The following PCGF2 variants were observed in gnomAD, a reference collection of about 807,000 sequenced individuals.
PCGF2 encodes the protein polycomb group RING finger protein 2.
PCGF2 carries 8 observed loss-of-function variants against 36.1 expected under a neutral mutation model. That is an observed-to-expected ratio of 0.22 (90% CI 0.13 to 0.40). The LOEUF is 0.40. PCGF2 is among the 10% of genes least tolerant of loss of function. The pLI is 1.00. For synonymous variants in PCGF2, 198 were observed against 191.2 expected (o/e 1.04, Z -0.29); for missense variants, 436 against 475.9 (o/e 0.92, Z 0.78).
At position 38,740,386 on chromosome 17, in the gene PCGF2, C is replaced by G. The variant is rs779496705; in HGVS notation, c.17G>C (p.Arg6Pro). 2 of 1,554,892 alleles carry G rather than the reference C, an allele frequency of 1.3e-6. No individual in the cohort carries two copies. Among genetic ancestry groups the G allele is most frequent in the Non-Finnish European group, 1.8e-6 (2 of 1,138,282 alleles). The change falls in exon 3 of 11, where the codon CGG (arginine) becomes CCG (proline). Residue 6 changes from arginine to proline, a missense_variant. Physicochemically the swap from Arg to Pro is moderately radical, Grantham distance 103 (BLOSUM62 -2). This residue lies in a region of PCGF2 where 189 missense variants were observed against 219.3 expected (regional missense o/e 0.86). Transcript: ENST00000620225. Reference protein sequence around the residue: MHRTTRIKITELNPHL... With the variant: MHRTTPIKITELNPHL... ...GGGGTTCAGCTCTGTGATTTTGATC[C>G]GTGTAGTCCGATGCATGATTCCGGG... is the stretch of plus-strand genomic sequence containing the variant.
At chr17:38,745,519 A>G (rs1339825477) in intron 2 of PCGF2, among the ~76,000 whole-genome samples, 6 of 152,210 alleles carry the variant, frequency 3.9e-5, no homozygotes, top group African/African-American at 1.4e-4. Flanking sequence ...AAAAAAAGAG[A>G]AAAAGAAAAA....
chr17:38,738,154 G>T (rs1297124360), intron 9 of PCGF2, among the ~76,000 whole-genome samples, 199 bp downstream of exon 9: 1 of 152,118 alleles, frequency 6.6e-6, no homozygotes, highest in Non-Finnish European at 1.5e-5. Flanking sequence ...TTGGTCCCAT[G>T]CACCACTGCA....
Position 38,740,431 on chromosome 17 carries a change from G to T in PCGF2, c.-29C>A. The T allele has an allele frequency of 2.0e-6, 2 of 976,724 alleles. No individual in the cohort carries two copies. The highest frequency in any genetic ancestry group is 2.7e-5 in the South Asian group (2 of 75,384). 60.5% of individuals were successfully genotyped at this position (976,724 alleles called of 1,614,324 possible). A position where few individuals can be genotyped will look rare whatever the true frequency, so the allele number is the denominator to read the frequency against. On this transcript the variant is annotated 5_prime_UTR_variant, in exon 3 of 11. Transcript: ENST00000620225. ...TCCGGGGTCGGGGGTGGGGGGACTGGGGAGCGTTGCCCTGGGAAACGGAAG... is the reference window on the plus strand; with the variant it reads ...TCCGGGGTCGGGGGTGGGGGGACTGTGGAGCGTTGCCCTGGGAAACGGAAG...
At position 38,739,094 on chromosome 17, in the gene PCGF2, A is replaced by G; in HGVS notation, c.290T>C (p.Phe97Ser). The change falls in exon 6 of 11, where the codon TTC becomes TCC. Residue 97 changes from phenylalanine to serine, a missense_variant. Around this residue, in one of 3 missense-constraint regions of PCGF2, gnomAD observed 189 missense variants for 219.3 expected, o/e 0.86. Transcript: ENST00000620225. The surrounding 1 kb of genome is among the most constrained non-coding windows in gnomAD (Gnocchi z 4.0). Reference sequence around the variant, plus strand: ...CTCCGTCAGGGGGTACGCTGCATAGAAATCCCGCCGCCGTTTCATCTCATC... The same window carrying G: ...CTCCGTCAGGGGGTACGCTGCATAGGAATCCCGCCGCCGTTTCATCTCATC... Reference protein sequence around the residue: ...FKDEMKRRRDFYAAYPLTEVP... With the variant: ...FKDEMKRRRDSYAAYPLTEVP... 6.2e-7 allele frequency: 1 copy of G among 1,613,688 alleles called. No individual in the cohort carries two copies. The highest frequency in any genetic ancestry group is 8.5e-7 in the Non-Finnish European group (1 of 1,180,014).
At chr17:38,749,631 C>T (rs556537671), upstream of PCGF2, 653 of 455,882 alleles carry the variant, frequency 1.4e-3, 3 homozygotes, top group Non-Finnish European at 2.4e-3. This position sits in a 1 kb window ranked among gnomAD's most constrained non-coding sequence, Gnocchi z 6.5. Context: ...GTGGGAGGCT[C>T]GAGTTAGAAA....
At chr17:38,738,291 GCA>G (rs545926990) in intron 9 of PCGF2, 60 bp downstream of exon 9, 1 of 1,372,154 alleles carries the variant, frequency 7.3e-7, no homozygotes. Context: ...TGGCTGGGCT[GCA>G]CAGACTGTCT....
chr17:38,738,029 C>T (rs1239132103), intron 9 of PCGF2, among the ~76,000 whole-genome samples: 2 of 152,148 alleles, frequency 1.3e-5, no homozygotes, highest in Non-Finnish European at 2.9e-5. Context: ...CCTGGAGCTC[C>T]GTTGGAATTT....
At position 38,740,357 on chromosome 17, in the gene PCGF2, G is replaced by T. The variant is rs757069949; in HGVS notation, c.46C>A (p.Leu16Ile). Residue 16 changes from leucine (L) to isoleucine (I), a missense_variant, in exon 3 of 11, where the codon CTC (leucine) becomes ATC (isoleucine). This residue lies in a region of PCGF2 where 189 missense variants were observed against 219.3 expected (regional missense o/e 0.86). Coordinates refer to ENST00000620225, the MANE Select transcript of PCGF2 (RefSeq NM_007144.3). ...RIKITELNPH[L>I]MCALCGGYFI... is the part of the protein sequence containing the mutation. Reference sequence around the variant, plus strand: ...TACCCCCCGCAGAGGGCACACATGAGGTGGGGGTTCAGCTCTGTGATTTTG... The same window carrying T: ...TACCCCCCGCAGAGGGCACACATGATGTGGGGGTTCAGCTCTGTGATTTTG... 6.2e-7 allele frequency: 1 copy of T among 1,611,194 alleles called. No homozygotes were observed. Among genetic ancestry groups the T allele is most frequent in the East Asian group, 2.2e-5 (1 of 44,832 alleles).
At chr17:38,744,067 C>T (rs1410636659) in intron 2 of PCGF2, among the ~76,000 whole-genome samples, 1 of 152,148 alleles carries the variant, frequency 6.6e-6, no homozygotes, top group Non-Finnish European at 1.5e-5. Context: ...CCACCCCTCC[C>T]TGGACTTGAG....
At chr17:38,737,565 T>C (rs1357896462) in intron 9 of PCGF2, among the ~76,000 whole-genome samples, 1 of 152,190 alleles carries the variant, frequency 6.6e-6, no homozygotes, top group Non-Finnish European at 1.5e-5. Flanking sequence ...CAGTTTAGGA[T>C]CCACTGTCCT....
intron 2 of PCGF2, 37 bp from the exon 3 acceptor site, chr17:38,740,479 G>A: frequency 6.0e-6 from 9 of 1,497,572 alleles, no homozygotes; most frequent in Non-Finnish European, 8.1e-6. Flanking sequence ...CCCAGAGTTG[G>A]CCGGGCGCGG....
intron 2 of PCGF2, among the ~76,000 whole-genome samples, chr17:38,746,208 C>T (rs1487021488): frequency 2.0e-5 from 3 of 152,020 alleles, no homozygotes; most frequent in African/African-American, 7.3e-5. Flanking sequence ...AAAGGCAAAA[C>T]CCCAAAATAT....
chr17:38,736,910 G>A lies in PCGF2; in HGVS notation c.577-740C>T, dbSNP rs1450062789. On this transcript the variant is annotated intron_variant, in intron 9 of 10. Transcript: ENST00000620225. Reference sequence around the variant, plus strand: ...GGTGGCTCAAGCCTATAATCCCAGAGCTTTGGGAGGCCGAGAATTCAAGAC... The same window carrying A: ...GGTGGCTCAAGCCTATAATCCCAGAACTTTGGGAGGCCGAGAATTCAAGAC... Among the ~76,000 whole-genome samples, 3 of 151,718 alleles carry A rather than the reference G, an allele frequency of 2.0e-5. No homozygotes were observed. In the East Asian group the frequency reaches 5.8e-4, roughly 29 times the overall value.
intron 2 of PCGF2, 85 bp from the exon 3 acceptor site, chr17:38,740,527 A>C (rs1442976908): frequency 2.2e-6 from 2 of 911,158 alleles, no homozygotes; most frequent in African/African-American, 3.3e-5. Flanking sequence ...TGGGAGGCCA[A>C]GGCGGGCGGA....
intron 2 of PCGF2, among the ~76,000 whole-genome samples, chr17:38,742,796 T>C (rs1207917622): frequency 6.6e-6 from 1 of 152,200 alleles, no homozygotes; most frequent in Non-Finnish European, 1.5e-5. Flanking sequence ...ATCCATCCTG[T>C]GTACGTGCCA....
chr17:38,739,793 G>C lies in PCGF2; in HGVS notation c.113-111C>G. ...ATCCCTCCTCCTCCACCCTGTCCCT[G>C]CTCCGAGGCCCAATGTGGCGATGTG... On this transcript the variant is annotated intron_variant, in intron 3 of 10. Coordinates refer to ENST00000620225, the MANE Select transcript of PCGF2 (RefSeq NM_007144.3). The surrounding 1 kb of genome is among the most constrained non-coding windows in gnomAD (Gnocchi z 4.0). 2.5e-6 allele frequency: 2 copies of C among 797,498 alleles called. No individual in the cohort carries two copies. The highest frequency in any genetic ancestry group is 4.4e-6 in the Non-Finnish European group (2 of 452,526). 49.4% of individuals were successfully genotyped at this position (797,498 alleles called of 1,614,324 possible). A position where few individuals can be genotyped will look rare whatever the true frequency, so the allele number is the denominator to read the frequency against.
At position 38,739,783 on chromosome 17, in the gene PCGF2, C is replaced by T; in HGVS notation, c.113-101G>A. 1 of 848,250 alleles carries T rather than the reference C, an allele frequency of 1.2e-6. No homozygotes were observed. Among genetic ancestry groups the T allele is most frequent in the South Asian group, 1.4e-5 (1 of 73,826 alleles). 52.5% of individuals were successfully genotyped at this position (848,250 alleles called of 1,614,324 possible). ...AGACTCAGATATCCCTCCTCCTCCA[C>T]CCTGTCCCTGCTCCGAGGCCCAATG... On this transcript the variant is annotated intron_variant, in intron 3 of 10. Coordinates refer to ENST00000620225, the MANE Select transcript of PCGF2 (RefSeq NM_007144.3). The surrounding 1 kb of genome is among the most constrained non-coding windows in gnomAD (Gnocchi z 4.0).
rs776481995 is a variant in PCGF2 at position 38,738,442 on chromosome 17, C to T, written c.487G>A (p.Val163Met). ...GCTGCTGGGCATCGCAGGAAGCGCA[C>T]CCCTGTCTGCTGGGGCACAGGCACC... is the stretch of plus-strand genomic sequence containing the variant. Reference protein sequence around the residue: ...NGDGDKEKTGVRFLRCPAAMT... With the variant: ...NGDGDKEKTGMRFLRCPAAMT... Residue 163 changes from valine (V) to methionine (M), a missense_variant, in exon 9 of 11, where the codon GTG (valine) becomes ATG (methionine). Physicochemically the swap from Val to Met is conservative, Grantham distance 21 (BLOSUM62 1). Around this residue, in one of 3 missense-constraint regions of PCGF2, gnomAD observed 20 missense variants for 43.7 expected, o/e 0.46. Coordinates refer to ENST00000620225, the MANE Select transcript of PCGF2 (RefSeq NM_007144.3). The T allele has an allele frequency of 1.9e-6, 3 of 1,614,154 alleles. No homozygotes were observed. The highest frequency in any genetic ancestry group is 2.2e-5 in the East Asian group (1 of 44,888).
intron 2 of PCGF2, among the ~76,000 whole-genome samples, chr17:38,741,074 G>T (rs188438792): frequency 4.1e-4 from 63 of 152,170 alleles, no homozygotes; most frequent in African/African-American, 1.2e-3. Flanking sequence ...AAATGGAAAA[G>T]AAGAGGGTTT....
Sources: allele counts gnomAD v4.1 joint callset (sites outside exome capture counted in the v4.1 genomes callset), GRCh38; gene constraint gnomAD v4.1.1; regional missense constraint gnomAD v4.1.1; non-coding constraint Gnocchi (gnomAD v3.1); transcripts MANE v1.5; gene names NCBI Gene and HGNC (gene_info 2026-07-23, HGNC 2026-07-21).